STAU2: variants seen among roughly 807,000 people sequenced by gnomAD.
STAU2 encodes staufen double-stranded RNA binding protein 2.
In STAU2, 20 loss-of-function variants were observed where a neutral mutation model predicts 65.9. The ratio of observed to expected loss-of-function variants is 0.30; its 90% confidence interval spans 0.21 to 0.44. The LOEUF is 0.44. Among genes scored for constraint, STAU2 ranks in the 20% least tolerant of loss-of-function variants. The pLI is 1.00. For synonymous variants in STAU2, 232 were observed against 233.9 expected, an observed-to-expected ratio of 0.99 and a Z score of 0.07; for missense variants, 558 against 683.9, an observed-to-expected ratio of 0.82 and a Z score of 2.05.
intron 13 of STAU2, among the ~76,000 whole-genome samples, chr8:73,423,787 G>A (rs28641968): frequency 1.3e-5 from 2 of 152,174 alleles, no homozygotes; most frequent in Admixed American, 6.5e-5. Context: ...TGGGCAGGTA[G>A]TACACAGAGT....
chr8:73,426,121 G>A (rs904685177), intron 13 of STAU2, among the ~76,000 whole-genome samples: 1 of 151,156 alleles, frequency 6.6e-6, no homozygotes, highest in Non-Finnish European at 1.5e-5. Flanking sequence ...CTCTCCCCAT[G>A]TCTACAAACT....
chr8:73,527,890 T>TCAGGAAAATTCAAATAACTTA (rs59636774), intron 13 of STAU2: 1 of 813,402 alleles, frequency 1.2e-6, no homozygotes, highest in African/African-American at 1.7e-5. Context: ...GGTCTAGATT[T>TCAGGAAAATTCAAATAACTTA]CACAGAACAC....
intron 1 of STAU2, among the ~76,000 whole-genome samples, chr8:73,744,136 T>C (rs981858251): frequency 1.3e-5 from 2 of 152,118 alleles, no homozygotes; most frequent in Non-Finnish European, 2.9e-5. Context: ...TAATTTTTCC[T>C]GGAACAAAGT....
chr8:73,727,203 C>A (rs896937573), intron 3 of STAU2, among the ~76,000 whole-genome samples: 1 of 152,182 alleles, frequency 6.6e-6, no homozygotes, highest in Non-Finnish European at 1.5e-5. Context: ...GCACTCCAGA[C>A]TGAGCGACAG....
At chr8:73,638,933 T>C (rs1307066327) in intron 6 of STAU2, among the ~76,000 whole-genome samples, 2 of 150,670 alleles carry the variant, frequency 1.3e-5, no homozygotes, top group African/African-American at 2.4e-5. Context: ...ACAGAAATAG[T>C]TGATTAATAT....
At chr8:73,746,757 C>G (rs903787427) in intron 1 of STAU2, 26 bp downstream of exon 1, 15 of 1,215,060 alleles carry the variant, frequency 1.2e-5, no homozygotes, top group African/African-American at 1.6e-5. Context: ...CGGGGTCTCC[C>G]GGACGCCCCC....
intron 6 of STAU2, among the ~76,000 whole-genome samples, chr8:73,659,643 A>T (rs1816677830): frequency 6.6e-6 from 1 of 152,232 alleles, no homozygotes; most frequent in African/African-American, 2.4e-5. Flanking sequence ...CTGAACAAAA[A>T]AATAAAGATA....
At chr8:73,527,705 C>G in intron 13 of STAU2, 7 of 1,536,644 alleles carry the variant, frequency 4.6e-6, no homozygotes, top group Non-Finnish European at 6.1e-6. Context: ...TCATGGCTGG[C>G]TTCAATGGAG....
At chr8:73,617,621 T>A (rs551190559) in intron 6 of STAU2, among the ~76,000 whole-genome samples, 170 bp from the exon 7 acceptor site, 1 of 152,304 alleles carries the variant, frequency 6.6e-6, no homozygotes, top group Admixed American at 6.5e-5. Flanking sequence ...CATCTATAGA[T>A]AATAGCTTAT....
At chr8:73,614,007 T>C (rs1480347501) in intron 8 of STAU2, 51 bp from the exon 9 acceptor site, 9 of 1,405,514 alleles carry the variant, frequency 6.4e-6, no homozygotes, top group Middle Eastern at 2.1e-4. Flanking sequence ...TTGAGATGTA[T>C]TCTTAAAGTA....
intron 11 of STAU2, among the ~76,000 whole-genome samples, chr8:73,593,432 G>C (rs931775): frequency 6.6e-6 from 1 of 152,070 alleles, no homozygotes; most frequent in Non-Finnish European, 1.5e-5. Context: ...CTTAAAGAAC[G>C]ATCAGCTCCT....
chr8:73,658,730 T>C (rs1047952311), intron 6 of STAU2, among the ~76,000 whole-genome samples: 1 of 151,846 alleles, frequency 6.6e-6, no homozygotes, highest in Non-Finnish European at 1.5e-5. Flanking sequence ...CTGGCCAACA[T>C]GGTGAAACCC....
intron 12 of STAU2, among the ~76,000 whole-genome samples, chr8:73,565,296 C>T (rs1481829632): frequency 6.7e-6 from 1 of 149,300 alleles, no homozygotes; most frequent in Non-Finnish European, 1.5e-5. Context: ...AGCACCTCCC[C>T]TGCTTGCTCT....
intron 13 of STAU2, among the ~76,000 whole-genome samples, chr8:73,444,436 C>T (rs1016841895): frequency 1.1e-4 from 16 of 150,224 alleles, no homozygotes; most frequent in African/African-American, 3.4e-4. Context: ...GAATGAAGAG[C>T]GAAAGCCCTC....
chr8:73,484,357 G>T (rs779042965), intron 13 of STAU2, among the ~76,000 whole-genome samples: 45 of 152,042 alleles, frequency 3.0e-4, no homozygotes, highest in South Asian at 2.1e-4. Flanking sequence ...AAAGACAAAG[G>T]TTACTTCTGA....
At chr8:73,439,495 G>A (rs1488018470) in intron 13 of STAU2, among the ~76,000 whole-genome samples, 1 of 152,204 alleles carries the variant, frequency 6.6e-6, no homozygotes, top group Non-Finnish European at 1.5e-5. Flanking sequence ...GTGCACGCCT[G>A]TAATCCCAGC....
At chr8:73,570,246 C>G (rs935178867) in intron 12 of STAU2, among the ~76,000 whole-genome samples, 1 of 151,632 alleles carries the variant, frequency 6.6e-6, no homozygotes, top group Non-Finnish European at 1.5e-5. Flanking sequence ...TGAAATAAAG[C>G]GAGAAGTTTA....
chr8:73,444,204 C>T lies in STAU2; in HGVS notation c.1531-21502G>A, dbSNP rs534322402. 5.3e-5 allele frequency among the ~76,000 whole-genome samples: 8 copies of T among 152,136 alleles called. 1 individual carries two copies. The South Asian group carries it at 1.5e-3, about 28-fold the overall frequency. On this transcript the variant is annotated intron_variant, in intron 13 of 14. Coordinates refer to ENST00000524300, the MANE Select transcript of STAU2 (RefSeq NM_001164380.2). ...GGCAGATCACTTGAGGTCGGGAGTT[C>T]GAGACCAGCCTGACCAACATGGAGA... is the stretch of plus-strand genomic sequence containing the variant.
chr8:73,745,793 T>C (rs552906473), intron 1 of STAU2, among the ~76,000 whole-genome samples: 1 of 152,194 alleles, frequency 6.6e-6, no homozygotes, highest in East Asian at 1.9e-4. Flanking sequence ...ATATGGACCC[T>C]TACCAAAGAA....
Sources: allele counts gnomAD v4.1 joint callset (sites outside exome capture counted in the v4.1 genomes callset), GRCh38; gene constraint gnomAD v4.1.1; transcripts MANE v1.5; gene names NCBI Gene and HGNC (gene_info 2026-07-23, HGNC 2026-07-21).